Variants in PDE8A observed in about 807,000 individuals in gnomAD.
PDE8A encodes the protein phosphodiesterase 8A, also known as high affinity cAMP-specific and IBMX-insensitive 3',5'-cyclic phosphodiesterase 8A.
Under a neutral mutation model 105.0 loss-of-function variants are expected in PDE8A, and 59 were observed. The observed-to-expected ratio is 0.56, with a 90% CI of 0.46 to 0.70. The LOEUF (loss-of-function observed/expected upper bound fraction) is 0.70, where lower values mean the gene tolerates loss of function less well. Among genes scored for constraint, PDE8A ranks in the 30% least tolerant of loss-of-function variants. The pLI, the probability that PDE8A is intolerant of heterozygous loss-of-function variation, is 0.00. For missense variants in PDE8A, 1,014 were observed against 1,045.9 expected (o/e 0.97, Z 0.42); for synonymous variants, 355 against 371.9 (o/e 0.95, Z 0.52).
At chr15:85,000,414 G>A (rs2080048631) in intron 1 of PDE8A, among the ~76,000 whole-genome samples, 1 of 152,212 alleles carries the variant, frequency 6.6e-6, no homozygotes, top group African/African-American at 2.4e-5. Context: ...GGCCAAGAAT[G>A]TTTCTGCAGT....
At chr15:85,109,653 A>G (rs1032320332) in intron 12 of PDE8A, among the ~76,000 whole-genome samples, 1 of 152,212 alleles carries the variant, frequency 6.6e-6, no homozygotes, top group Admixed American at 6.5e-5. Flanking sequence ...GTGTGGAGGC[A>G]GGTATTGCTG....
intron 1 of PDE8A, among the ~76,000 whole-genome samples, chr15:85,026,457 A>C (rs928252455): frequency 1.3e-5 from 2 of 152,182 alleles, no homozygotes; most frequent in Admixed American, 1.3e-4. Flanking sequence ...CCCCAGAGGA[A>C]GCATTTAGAG....
At chr15:85,103,473 C>T (rs370968852) in intron 11 of PDE8A, among the ~76,000 whole-genome samples, 17 of 152,186 alleles carry the variant, frequency 1.1e-4, no homozygotes, top group African/African-American at 3.4e-4. Flanking sequence ...CCTTTATGTC[C>T]AAAGGTCTCA....
At chr15:85,027,646 G>T (rs2080540422) in intron 1 of PDE8A, among the ~76,000 whole-genome samples, 1 of 152,168 alleles carries the variant, frequency 6.6e-6, no homozygotes, top group Non-Finnish European at 1.5e-5. Flanking sequence ...AACAATTTTT[G>T]GGAATAGTGC....
intron 6 of PDE8A, among the ~76,000 whole-genome samples, chr15:85,084,803 T>C (rs2081524061): frequency 6.6e-6 from 1 of 152,172 alleles, no homozygotes; most frequent in Non-Finnish European, 1.5e-5. Flanking sequence ...CCTCAAACCT[T>C]TTCCTCCTGT....
At chr15:85,063,736 A>G (rs2081180713) in intron 1 of PDE8A, 1 of 152,350 alleles carries the variant, frequency 6.6e-6, no homozygotes, top group Non-Finnish European at 1.5e-5. Context: ...AGAACACACT[A>G]AGTCTTCCAT....
chr15:85,130,236 A>G (rs1409848371), intron 20 of PDE8A, among the ~76,000 whole-genome samples: 1 of 152,158 alleles, frequency 6.6e-6, no homozygotes, highest in East Asian at 1.9e-4. Context: ...TTCACGAAGG[A>G]TCTGCCCCCA....
chr15:85,066,609 C>CAT (rs1555472865), intron 2 of PDE8A, among the ~76,000 whole-genome samples: 65 of 89,870 alleles, frequency 7.2e-4, no homozygotes, highest in African/African-American at 4.2e-3. Context: ...CACACACACA[C>CAT]ACACACACAC....
chr15:85,023,389 G>C (rs1006454241), intron 1 of PDE8A, among the ~76,000 whole-genome samples: 1 of 152,192 alleles, frequency 6.6e-6, no homozygotes, highest in Admixed American at 6.5e-5. Flanking sequence ...AAATAATTGG[G>C]TTGGTTGGGG....
chr15:84,984,531 TAAGTGAATTTCAACAAGAAATTCATTG>T (rs976290601), intron 1 of PDE8A, among the ~76,000 whole-genome samples: 1 of 152,258 alleles, frequency 6.6e-6, no homozygotes, highest in Non-Finnish European at 1.5e-5. Context: ...AGCATATCTT[TAAGTGAATTTCAACAAGAAATTCATTG>T]GGGGATGCTT....
Position 85,064,367 on chromosome 15 carries a change from C to T in PDE8A, c.187-3C>T, listed in dbSNP as rs755265237. 4 of 1,601,928 alleles carry T rather than the reference C, an allele frequency of 2.5e-6. No homozygotes were observed. The highest frequency in any genetic ancestry group is 3.4e-6 in the Non-Finnish European group (4 of 1,170,366). The stretch of plus-strand genomic sequence containing the variant: ...CATTTTTAAGCCAATCTCTTTCTTA[C>T]AGGTAGCAGTAGCTGATGTGCAGTT... On this transcript the variant is annotated splice_polypyrimidine_tract_variant and splice_region_variant and intron_variant, in intron 1 of 21. Coordinates refer to ENST00000394553, the MANE Select transcript of PDE8A (RefSeq NM_002605.3).
Position 85,120,858 on chromosome 15 carries a change from A to G in PDE8A, c.1796A>G (p.Asp599Gly). ...ATCGCAGCCACCATTCATGATGTGG[A>G]TCACCCTGGGAGAACCAACTCCTTC... Reference protein sequence around the residue: ...ALIAATIHDVDHPGRTNSFLC... With the variant: ...ALIAATIHDVGHPGRTNSFLC... Residue 599 changes from aspartate to glycine, a missense_variant, in exon 18 of 22, where the codon GAT becomes GGT. Transcript: ENST00000394553. The G allele has an allele frequency of 6.2e-7, 1 of 1,614,044 alleles. No homozygotes were observed. Among genetic ancestry groups the G allele is most frequent in the Non-Finnish European group, 8.5e-7 (1 of 1,179,874 alleles).
chr15:85,039,910 AATG>A (rs1451826862), intron 1 of PDE8A, among the ~76,000 whole-genome samples: 2 of 152,160 alleles, frequency 1.3e-5, no homozygotes, highest in African/African-American at 2.4e-5. Flanking sequence ...TAAAGAGTAG[AATG>A]ATAATTACCA....
intron 1 of PDE8A, among the ~76,000 whole-genome samples, chr15:85,053,852 A>G (rs948034785): frequency 1.3e-4 from 20 of 152,184 alleles, no homozygotes; most frequent in South Asian, 8.3e-4. Context: ...TTCCAACACT[A>G]TGTTGAATAG....
At chr15:85,012,251 A>G (rs2080251035) in intron 1 of PDE8A, among the ~76,000 whole-genome samples, 1 of 152,190 alleles carries the variant, frequency 6.6e-6, no homozygotes. Context: ...ATGCACACGT[A>G]TGTTTATTGC....
At chr15:85,016,532 C>T (rs888452934) in intron 1 of PDE8A, among the ~76,000 whole-genome samples, 32 of 152,140 alleles carry the variant, frequency 2.1e-4, no homozygotes, top group African/African-American at 7.2e-4. Flanking sequence ...AATTATGTGC[C>T]ACTACCACAC....
At chr15:85,126,015 T>G (rs1239477460) in intron 19 of PDE8A, among the ~76,000 whole-genome samples, 192 bp from the exon 20 acceptor site, 5 of 152,148 alleles carry the variant, frequency 3.3e-5, no homozygotes, top group Non-Finnish European at 7.4e-5. Context: ...GCAATCTCAC[T>G]GAGCCTCGGT....
intron 11 of PDE8A, among the ~76,000 whole-genome samples, chr15:85,103,687 A>T (rs2081902507): frequency 6.6e-6 from 1 of 152,210 alleles, no homozygotes; most frequent in Admixed American, 6.5e-5. Flanking sequence ...AAGCTGAGCA[A>T]TTGTCCCCAC....
chr15:85,129,845 C>T (rs1042232823), intron 20 of PDE8A, among the ~76,000 whole-genome samples: 1 of 152,134 alleles, frequency 6.6e-6, no homozygotes, highest in Admixed American at 6.5e-5. Context: ...GTTTTTGCTG[C>T]ATCTAATAAC....
Sources: allele counts gnomAD v4.1 joint callset (sites outside exome capture counted in the v4.1 genomes callset), GRCh38; gene constraint gnomAD v4.1.1; transcripts MANE v1.5; gene names NCBI Gene and HGNC (gene_info 2026-07-23, HGNC 2026-07-21).